The following ATP13A3 variants were observed in gnomAD, a reference collection of about 807,000 sequenced individuals.
ATP13A3 encodes ATPase 13A3.
A neutral mutation model predicts 158.1 loss-of-function variants in ATP13A3; 59 were observed. The observed-to-expected ratio is 0.37, with a 90% CI of 0.30 to 0.46. The LOEUF is 0.46. Ranked by LOEUF, ATP13A3 falls within the 20% of genes least tolerant of loss-of-function variation. The probability of loss-of-function intolerance (pLI) is 1.00; values close to 1 mark genes in which losing one functional copy is unlikely to be tolerated. For missense variants in ATP13A3, 1,166 were observed against 1,525.2 expected (o/e 0.76, Z 3.92); for synonymous variants, 491 against 504.3 (o/e 0.97, Z 0.35).
chr3:194,483,129 T>C (rs1247956426), intron 2 of ATP13A3, among the ~76,000 whole-genome samples: 1 of 151,456 alleles, frequency 6.6e-6, no homozygotes, highest in East Asian at 1.9e-4. Context: ...AAAATTTTTT[T>C]TTAAATTAGC....
chr3:194,406,768 GA>G (rs1245887609), intron 33 of ATP13A3, among the ~76,000 whole-genome samples: 1 of 152,152 alleles, frequency 6.6e-6, no homozygotes, highest in Admixed American at 6.5e-5. Flanking sequence ...CTCAAAACAT[GA>G]AGTAAATATC....
At chr3:194,444,931 C>A in intron 14 of ATP13A3, 145 bp from the exon 15 acceptor site, 1 of 570,714 alleles carries the variant, frequency 1.8e-6, no homozygotes, top group Non-Finnish European at 3.0e-6. Flanking sequence ...AAAAAAGAAA[C>A]AGGCAAGATC....
intron 10 of ATP13A3, chr3:194,452,318 C>T: frequency 6.6e-6 from 1 of 152,350 alleles, no homozygotes; most frequent in African/African-American, 2.4e-5. Flanking sequence ...TGGTAACACC[C>T]TGTTTCTACT....
chr3:194,454,113 G>A, intron 9 of ATP13A3, 145 bp downstream of exon 9: 1 of 874,826 alleles, frequency 1.1e-6, no homozygotes, highest in African/African-American at 1.7e-5. Context: ...AAACAAAAAG[G>A]GAGGGGAGAA....
intron 1 of ATP13A3, among the ~76,000 whole-genome samples, chr3:194,486,242 G>C (rs1720963721): frequency 6.8e-6 from 1 of 146,320 alleles, no homozygotes; most frequent in African/African-American, 2.7e-5. Flanking sequence ...GACTCATCGA[G>C]GGCCCTGCCA....
At chr3:194,432,035 TA>T (rs1286419158) in intron 21 of ATP13A3, 143 bp from the exon 22 acceptor site, 5 of 646,738 alleles carry the variant, frequency 7.7e-6, no homozygotes, top group African/African-American at 7.6e-5. Context: ...ACTTACAGTT[TA>T]AAAATAACAA....
intron 8 of ATP13A3, among the ~76,000 whole-genome samples, 173 bp from the exon 9 acceptor site, chr3:194,454,565 A>C (rs555565372): frequency 2.3e-4 from 35 of 152,356 alleles, no homozygotes; most frequent in Middle Eastern, 3.4e-3. Context: ...GCGGTGGCTC[A>C]CGCCTGTAAT....
intron 31 of ATP13A3, among the ~76,000 whole-genome samples, chr3:194,417,985 AAGGGAGGG>A (rs1197087336): frequency 1.0e-4 from 9 of 88,304 alleles, no homozygotes; most frequent in African/African-American, 2.3e-4. Flanking sequence ...GGAAGGAAGG[AAGGGAGGG>A]AGGGAGGGAG....
intron 31 of ATP13A3, among the ~76,000 whole-genome samples, chr3:194,419,424 C>T (rs549752544): frequency 6.6e-6 from 1 of 152,054 alleles, no homozygotes; most frequent in East Asian, 1.9e-4. Context: ...GGTGTTATCT[C>T]TTTACTATTT....
intron 10 of ATP13A3, 109 bp from the exon 11 acceptor site, chr3:194,450,385 G>T: frequency 9.3e-7 from 1 of 1,077,614 alleles, no homozygotes; most frequent in Non-Finnish European, 1.3e-6. Context: ...GTTTATAATG[G>T]GGTAAAATAG....
At chr3:194,455,026 T>C (rs1398253179) in intron 8 of ATP13A3, among the ~76,000 whole-genome samples, 2 of 152,228 alleles carry the variant, frequency 1.3e-5, no homozygotes, top group Non-Finnish European at 2.9e-5. Flanking sequence ...AGTACATTTA[T>C]TTCCAATTAC....
intron 21 of ATP13A3, among the ~76,000 whole-genome samples, 164 bp downstream of exon 21, chr3:194,433,608 A>T (rs1717407636): frequency 6.6e-6 from 1 of 152,226 alleles, no homozygotes; most frequent in South Asian, 2.1e-4. Context: ...AGAATATGAC[A>T]AAGTTATCTT....
chr3:194,429,497 C>A (rs1419188810), intron 27 of ATP13A3, among the ~76,000 whole-genome samples, 181 bp downstream of exon 27: 1 of 152,192 alleles, frequency 6.6e-6, no homozygotes, highest in Non-Finnish European at 1.5e-5. Flanking sequence ...GTTGAAACAT[C>A]TTTTCTCATT....
chr3:194,454,820 T>C (rs1389723204), intron 8 of ATP13A3, among the ~76,000 whole-genome samples: 9 of 145,060 alleles, frequency 6.2e-5, no homozygotes. Context: ...CGAGACTCCG[T>C]CTCAAAAAAA....
Position 194,413,986 on chromosome 3 carries a change from C to G in ATP13A3, c.3403-147G>C, listed in dbSNP as rs10049106. ...CTACTTAATCCTCAACAATGCCCCG[C>G]GGTATATATTATATTCCCTTTCAGA... On this transcript the variant is annotated intron_variant, in intron 31 of 33. Transcript: ENST00000645319. 0.13 allele frequency: 86,256 copies of G among 667,842 alleles called. 9,820 individuals are homozygous for G. The highest frequency in any genetic ancestry group is 0.43 in the African/African-American group (24,131 of 55,574). 41.4% of individuals were successfully genotyped at this position (667,842 alleles called of 1,614,324 possible).
At chr3:194,436,056 A>G (rs1432034157) in intron 20 of ATP13A3, among the ~76,000 whole-genome samples, 1 of 152,224 alleles carries the variant, frequency 6.6e-6, no homozygotes, top group Non-Finnish European at 1.5e-5. Context: ...AGGAATTAGG[A>G]TATAATATTA....
chr3:194,455,392 A>G (rs746853505), intron 8 of ATP13A3, among the ~76,000 whole-genome samples: 13 of 152,138 alleles, frequency 8.5e-5, no homozygotes, highest in Non-Finnish European at 1.5e-4. Context: ...ACCAAATGAG[A>G]TAATTGGAAA....
intron 2 of ATP13A3, among the ~76,000 whole-genome samples, chr3:194,474,802 C>G (rs1720453173): frequency 6.6e-6 from 1 of 152,206 alleles, no homozygotes; most frequent in African/African-American, 2.4e-5. Flanking sequence ...TTAGATACAA[C>G]CTTACAGCTG....
intron 14 of ATP13A3, among the ~76,000 whole-genome samples, chr3:194,446,009 A>G (rs1718376103): frequency 1.3e-5 from 2 of 152,064 alleles, no homozygotes; most frequent in South Asian, 2.1e-4. Flanking sequence ...TAATAAATAT[A>G]TATGTATGGA....
Sources: allele counts gnomAD v4.1 joint callset (sites outside exome capture counted in the v4.1 genomes callset), GRCh38; gene constraint gnomAD v4.1.1; transcripts MANE v1.5; gene names NCBI Gene and HGNC (gene_info 2026-07-23, HGNC 2026-07-21).